The following PLAG1 variants were observed in gnomAD, a reference collection of about 807,000 sequenced individuals.
The protein encoded by PLAG1 is zinc finger protein PLAG1.
A neutral mutation model predicts 35.5 loss-of-function variants in PLAG1; 7 were observed. That is an observed-to-expected ratio of 0.20 (90% CI 0.11 to 0.37). The LOEUF is 0.37. PLAG1 is among the 10% of genes least tolerant of loss of function. PLAG1 has a pLI of 1.00. For missense variants in PLAG1, 454 were observed against 602.8 expected (o/e 0.75, Z 2.58); for synonymous variants, 229 against 225.4 (o/e 1.02, Z -0.14).
intron 1 of PLAG1, among the ~76,000 whole-genome samples, chr8:56,192,048 G>C (rs535106918): frequency 3.9e-4 from 60 of 152,292 alleles, no homozygotes; most frequent in African/African-American, 1.4e-3. Flanking sequence ...TGATGGCTAA[G>C]AATGGAAAAC....
chr8:56,204,652 C>G (rs529036847), intron 1 of PLAG1, among the ~76,000 whole-genome samples: 12 of 151,854 alleles, frequency 7.9e-5, no homozygotes, highest in African/African-American at 2.7e-4. Flanking sequence ...GATATGGCAG[C>G]CTTTAACATA....
At chr8:56,184,424 A>C (rs548360893) in intron 1 of PLAG1, among the ~76,000 whole-genome samples, 31 of 152,326 alleles carry the variant, frequency 2.0e-4, no homozygotes, top group African/African-American at 7.5e-4. Flanking sequence ...ACAGTTTGGC[A>C]ATTTATTTAA....
intron 2 of PLAG1, among the ~76,000 whole-genome samples, chr8:56,171,681 C>T (rs1013301177): frequency 6.6e-6 from 1 of 152,208 alleles, no homozygotes; most frequent in African/African-American, 2.4e-5. Flanking sequence ...CAGAGCTACA[C>T]TTTTGCTATC....
At chr8:56,192,359 C>A (rs1056072854) in intron 1 of PLAG1, among the ~76,000 whole-genome samples, 1 of 152,182 alleles carries the variant, frequency 6.6e-6, no homozygotes, top group Non-Finnish European at 1.5e-5. Context: ...TATTTAAAGA[C>A]TGGACTGGAA....
At position 56,161,989 on chromosome 8, in the gene PLAG1, A is replaced by G. The variant is rs1585767123; in HGVS notation, c.*4254T>C. 4.4e-6 allele frequency: 1 copy of G among 227,100 alleles called. No homozygotes were observed. Among genetic ancestry groups the G allele is most frequent in the East Asian group, 6.3e-5 (1 of 15,806 alleles). The allele number at this position is 227,100 out of a possible 1,614,324, so 14.1% of individuals were successfully genotyped here. On this transcript the variant is annotated 3_prime_UTR_variant, in exon 5 of 5. Transcript: ENST00000316981. ...CTCAGAGGGTTGACAACATCATAGA[A>G]AGGCCCTAAGTGCAATCTGAGTGTG...
chr8:56,193,126 T>C lies in PLAG1; in HGVS notation c.-321-13613A>G, dbSNP rs554879419. Among the ~76,000 whole-genome samples, 121 of 152,352 alleles carry C rather than the reference T, an allele frequency of 7.9e-4. 2 individuals carry two copies. The highest frequency in any genetic ancestry group is 2.8e-3 in the African/African-American group (117 of 41,586). On this transcript the variant is annotated intron_variant, in intron 1 of 4. Transcript: ENST00000316981. ...TTGTTCTTTTGGTGTGTGATAATTGTATTGTAATTATACCTTTAAAAAGAG... is the reference window on the plus strand; with the variant it reads ...TTGTTCTTTTGGTGTGTGATAATTGCATTGTAATTATACCTTTAAAAAGAG...
chr8:56,187,899 G>A (rs191461915), intron 1 of PLAG1, among the ~76,000 whole-genome samples: 1 of 152,260 alleles, frequency 6.6e-6, no homozygotes, highest in African/African-American at 2.4e-5. Context: ...AAGTAAAACT[G>A]ATCCACCGGA....
chr8:56,209,734 G>T (rs1014060195), intron 1 of PLAG1, among the ~76,000 whole-genome samples: 2 of 152,098 alleles, frequency 1.3e-5, no homozygotes, highest in African/African-American at 4.8e-5. Flanking sequence ...CTCCCCAAAA[G>T]GTACTCCAGC....
Position 56,167,610 on chromosome 8 carries a change from A to G in PLAG1, c.243-107T>C, listed in dbSNP as rs192427192. On this transcript the variant is annotated intron_variant, in intron 4 of 4. Coordinates refer to ENST00000316981, the MANE Select transcript of PLAG1 (RefSeq NM_002655.3). The surrounding 1 kb of genome is among the most constrained non-coding windows in gnomAD (Gnocchi z 5.9). ...TATGCTAACACAGAATTCCCTTAGT[A>G]ATGGAAACTGTTTAACTTAATATAT... 2.9e-6 allele frequency: 2 copies of G among 697,164 alleles called. No individual in the cohort carries two copies. Among genetic ancestry groups the G allele is most frequent in the East Asian group, 5.4e-5 (2 of 36,986 alleles). 43.2% of individuals were successfully genotyped at this position (697,164 alleles called of 1,614,324 possible). A position where few individuals can be genotyped will look rare whatever the true frequency, so the allele number is the denominator to read the frequency against.
chr8:56,177,119 A>C (rs1811721966), intron 2 of PLAG1, among the ~76,000 whole-genome samples: 1 of 152,204 alleles, frequency 6.6e-6, no homozygotes, highest in Admixed American at 6.5e-5. Context: ...ATTAGTTTTA[A>C]GCCATCTCAA....
chr8:56,165,360 A>C lies in PLAG1; in HGVS notation c.*883T>G, dbSNP rs190913752. ...GGACTAACCGTGGGCCAACAATGAAAATAAATTGCTGGCTGCACTTGACCC... is the reference window on the plus strand; with the variant it reads ...GGACTAACCGTGGGCCAACAATGAACATAAATTGCTGGCTGCACTTGACCC... On this transcript the variant is annotated 3_prime_UTR_variant, in exon 5 of 5. Transcript: ENST00000316981. 32 of 218,858 alleles carry C rather than the reference A, an allele frequency of 1.5e-4. No individual in the cohort carries two copies. Among genetic ancestry groups the C allele is most frequent in the Admixed American group, 3.5e-4 (6 of 17,270 alleles). The allele number at this position is 218,858 out of a possible 1,614,324, so 13.6% of individuals were successfully genotyped here.
intron 2 of PLAG1, among the ~76,000 whole-genome samples, chr8:56,178,380 GA>G (rs149327034): frequency 0.015 from 2,130 of 145,584 alleles, 53 homozygotes; most frequent in African/African-American, 0.05. Flanking sequence ...AGTAGAAAAA[GA>G]AAAAAAAAAT....
At chr8:56,200,278 A>G (rs1193050028) in intron 1 of PLAG1, among the ~76,000 whole-genome samples, 1 of 152,216 alleles carries the variant, frequency 6.6e-6, no homozygotes, top group African/African-American at 2.4e-5. Flanking sequence ...TATTAAACCC[A>G]TGACGGAAGT....
At chr8:56,175,389 C>A (rs188517388) in intron 2 of PLAG1, among the ~76,000 whole-genome samples, 2 of 152,258 alleles carry the variant, frequency 1.3e-5, no homozygotes, top group Admixed American at 1.3e-4. Context: ...CAGAGGGGAA[C>A]AGAAAGGAGC....
chr8:56,208,521 C>T (rs935865970), intron 1 of PLAG1, among the ~76,000 whole-genome samples: 2 of 152,152 alleles, frequency 1.3e-5, no homozygotes, highest in East Asian at 1.9e-4. Flanking sequence ...AGTTAACATA[C>T]AATAGACTAC....
intron 1 of PLAG1, among the ~76,000 whole-genome samples, chr8:56,199,660 T>C (rs1812489925): frequency 6.6e-6 from 1 of 152,080 alleles, no homozygotes; most frequent in Non-Finnish European, 1.5e-5. Flanking sequence ...AGCCCCGGTA[T>C]ACAGCCCTGG....
intron 1 of PLAG1, among the ~76,000 whole-genome samples, chr8:56,195,966 G>A (rs1812350952): frequency 6.6e-6 from 1 of 152,170 alleles, no homozygotes; most frequent in African/African-American, 2.4e-5. Context: ...TCTCGCGGGT[G>A]TGGGAGGACA....
chr8:56,210,558 GTCAC>G (rs1449715464), intron 1 of PLAG1, among the ~76,000 whole-genome samples: 1 of 152,146 alleles, frequency 6.6e-6, no homozygotes, highest in Non-Finnish European at 1.5e-5. Flanking sequence ...GTTACCCCAA[GTCAC>G]TCAAAGTGCC....
chr8:56,195,422 T>C (rs913137895), intron 1 of PLAG1, among the ~76,000 whole-genome samples: 4 of 152,140 alleles, frequency 2.6e-5, no homozygotes, highest in Non-Finnish European at 4.4e-5. Flanking sequence ...TTATTCCAGA[T>C]AAGGGAGTCA....
Sources: gnomAD v4.1 joint callset for allele counts (sites outside exome capture counted in the v4.1 genomes callset) on GRCh38, gnomAD v4.1.1 for gene constraint, Gnocchi (gnomAD v3.1) non-coding constraint, MANE v1.5 for transcripts, NCBI Gene and HGNC (gene_info 2026-07-23, HGNC 2026-07-21) for gene names.